Variants in LIG4 observed in about 807,000 individuals in gnomAD.
LIG4 encodes the protein DNA joinase.
In LIG4, 13 loss-of-function variants were observed where a neutral mutation model predicts 19.0. The observed-to-expected ratio is 0.68, with a 90% CI of 0.44 to 1.09. The LOEUF (loss-of-function observed/expected upper bound fraction) is 1.09. LIG4 is among the 50% of genes least tolerant of loss of function. The probability of loss-of-function intolerance (pLI) is 0.00; values close to 1 mark genes in which losing one functional copy is unlikely to be tolerated. For missense variants in LIG4, 1,026 were observed against 1,089.7 expected (o/e 0.94, Z 0.82); for synonymous variants, 361 against 358.2 (o/e 1.01, Z -0.09).
Position 108,208,519 on chromosome 13 carries a change from T to C in LIG4, c.*14A>G. The C allele has an allele frequency of 6.4e-7, 1 of 1,557,788 alleles. No individual in the cohort carries two copies. The highest frequency in any genetic ancestry group is 1.1e-5 in the South Asian group (1 of 89,366). On this transcript the variant is annotated 3_prime_UTR_variant, in exon 3 of 3. Transcript: ENST00000442234. ...CTGCCAGATCAGAGGCTTTCCTCAC[T>C]AGGAAACCTAGCTTTAAATCAAATA...
upstream of LIG4, chr13:108,215,635 G>C (rs1879243956): frequency 1.3e-5 from 2 of 151,250 alleles, no homozygotes; most frequent in African/African-American, 2.4e-5. Flanking sequence ...CTCGCGATGG[G>C]AGGTGGGGGG....
rs1273889516 is a variant in LIG4, at chr13:108,214,614, C to G, written c.-101-4G>C. ...AAAATGAGATCTTGATGGTTTCCTG[C>G]GGGGTTGCCATGAGAAAGAATCAAC... On this transcript the variant is annotated splice_polypyrimidine_tract_variant and splice_region_variant and intron_variant, in intron 1 of 2. Transcript: ENST00000442234. 1 of 152,078 alleles carries G rather than the reference C, an allele frequency of 6.6e-6. No individual in the cohort carries two copies. Among genetic ancestry groups the G allele is most frequent in the African/African-American group, 2.4e-5 (1 of 41,352 alleles). The allele number at this position is 152,078 out of a possible 1,614,324, so 9.4% of individuals were successfully genotyped here.
intron 1 of LIG4, among the ~76,000 whole-genome samples, chr13:108,214,972 C>T (rs1192343320): frequency 5.3e-5 from 5 of 94,242 alleles, no homozygotes; most frequent in Non-Finnish European, 8.9e-5. Context: ...CTACTTGACT[C>T]CCCACACATC....
rs1268354042 is a variant in LIG4 at position 108,210,423 on chromosome 13, G to A, written c.846C>T (p.His282=). 2 of 1,613,336 alleles carry A rather than the reference G, an allele frequency of 1.2e-6. No individual in the cohort carries two copies. Among genetic ancestry groups the A allele is most frequent in the East Asian group, 2.2e-5 (1 of 44,880 alleles). The change falls in exon 3 of 3, where the codon CAC becomes CAT. Residue 282 remains histidine, a synonymous_variant. Transcript: ENST00000442234. ...AGTATTTATATACATCTCCATCTTT[G>A]TGCATTTGCATACGTTCACCATCTA... ...TKLDGERMQM[H]KDGDVYKYFS... is the part of the protein sequence containing the mutation.
upstream of LIG4, chr13:108,218,346 C>T (rs1327466083): frequency 6.6e-6 from 1 of 152,402 alleles, no homozygotes; most frequent in Non-Finnish European, 1.5e-5. Flanking sequence ...CCGTCCGGGC[C>T]ACCGTCGCGG....
rs1878227240 is a variant in LIG4, at chr13:108,208,838, TGAGAG to T, written c.2426_2430del (p.Pro809GlnfsTer17). ...TAAACGGTGTGGCGTCGAAACATAC[TGAGAG>T]GAGAGCAATCCCAGGAATACCGATA... On this transcript the variant is annotated frameshift_variant, in exon 3 of 3. Coordinates refer to ENST00000442234, the MANE Select transcript of LIG4 (RefSeq NM_206937.2). LOFTEE classifies it low-confidence loss of function (END_TRUNC). The T allele has an allele frequency of 6.2e-7, 1 of 1,614,022 alleles. No individual in the cohort carries two copies.
At chr13:108,213,102 G>A (rs776561751) in intron 2 of LIG4, among the ~76,000 whole-genome samples, 2 of 152,098 alleles carry the variant, frequency 1.3e-5, no homozygotes, top group Admixed American at 6.5e-5. Flanking sequence ...GGGTTAGATC[G>A]AGGGATAAAC....
chr13:108,210,950 G>A lies in LIG4; in HGVS notation c.319C>T (p.Leu107Phe). 1 of 1,613,664 alleles carries A rather than the reference G, an allele frequency of 6.2e-7. No homozygotes were observed. The highest frequency in any genetic ancestry group is 8.5e-7 in the Non-Finnish European group (1 of 1,179,890). Reference protein sequence around the residue: ...LNLPRDGKDALKLLNYRTPTG... With the variant: ...LNLPRDGKDAFKLLNYRTPTG... ...GGTGTTCTGTAGTTTAAAAGTTTGA[G>A]GGCATCTTTTCCATCTCTAGGTAAA... The change falls in exon 3 of 3, where the codon CTC becomes TTC. Residue 107 changes from leucine (L) to phenylalanine (F), a missense_variant. Leu to Phe is a conservative substitution (Grantham distance 22). Around this residue, in one of 3 missense-constraint regions of LIG4, gnomAD observed 493 missense variants for 544.5 expected, o/e 0.91. Transcript: ENST00000442234.
chr13:108,209,755 CGAGA>C lies in LIG4; in HGVS notation c.1510_1513del (p.Ser504ValfsTer8), dbSNP rs759838407. 1.2e-6 allele frequency: 2 copies of C among 1,613,978 alleles called. No individual in the cohort carries two copies. Among genetic ancestry groups the C allele is most frequent in the African/African-American group, 1.3e-5 (1 of 74,894 alleles). On this transcript the variant is annotated frameshift_variant, in exon 3 of 3. Coordinates refer to ENST00000442234, the MANE Select transcript of LIG4 (RefSeq NM_206937.2). LOFTEE classifies it low-confidence loss of function (END_TRUNC). ...TTTCATGGTGCAGCCAGACCCAACA[CGAGA>C]GAGAGTATGAAACACAGATGGCTTC...
At chr13:108,215,143 C>A (rs1191250453) in intron 1 of LIG4, among the ~76,000 whole-genome samples, 1 of 70,998 alleles carries the variant, frequency 1.4e-5, no homozygotes, top group Non-Finnish European at 2.8e-5. Flanking sequence ...CAGACCCTAA[C>A]CTGACGCCCC....
In LIG4 at chr13:108,210,024, A is replaced by C. The variant is rs141316672; in HGVS notation, c.1245T>G (p.Ile415Met). The C allele has an allele frequency of 1.4e-5, 22 of 1,612,052 alleles. No homozygotes were observed. The highest frequency in any genetic ancestry group is 1.7e-5 in the Admixed American group (1 of 60,004). The change falls in exon 3 of 3, where the codon ATT becomes ATG. Residue 415 changes from isoleucine to methionine, a missense_variant. Around this residue, in one of 3 missense-constraint regions of LIG4, gnomAD observed 493 missense variants for 544.5 expected, o/e 0.91. Transcript: ENST00000442234. Reference sequence around the variant, plus strand: ...TATCTATTGCTTCATTCAATGCATCAATTACTTCATTCTTAGTATGAGCTT... The same window carrying C: ...TATCTATTGCTTCATTCAATGCATCCATTACTTCATTCTTAGTATGAGCTT... Reference protein sequence around the residue: ...KTQAHTKNEVIDALNEAIDKR... With the variant: ...KTQAHTKNEVMDALNEAIDKR...
chr13:108,209,631 T>C lies in LIG4; in HGVS notation c.1638A>G (p.Glu546=), dbSNP rs759894913. 1.2e-6 allele frequency: 2 copies of C among 1,614,228 alleles called. No homozygotes were observed. The highest frequency in any genetic ancestry group is 1.1e-5 in the South Asian group (1 of 91,088). The change falls in exon 3 of 3, where the codon GAA becomes GAG. Residue 546 remains glutamate, a synonymous_variant. Transcript: ENST00000442234. ...CAGAATTACAAGGTTCAATGTATAC[T>C]TCTGGCTTCTCTGTTCCACATAAAA... ...SSILCGTEKP[E]VYIEPCNSVI... is the part of the protein sequence containing the mutation.
rs1239876721 is a variant in LIG4, at chr13:108,215,278, C to CG, written c.-102+205_-102+206insC. Among the ~76,000 whole-genome samples, 25 of 70,704 alleles carry CG rather than the reference C, an allele frequency of 3.5e-4. 1 individual carries two copies. Among genetic ancestry groups the CG allele is most frequent in the African/African-American group, 1.5e-3 (24 of 16,316 alleles). 46.4% of individuals were successfully genotyped at this position (70,704 alleles called of 152,430 possible). ...GACCCCCAACGTGACGCCCTACAGA[C>CG]CCCAACCTGACGTCCCACAGATACC... On this transcript the variant is annotated intron_variant, in intron 1 of 2. Transcript: ENST00000442234.
chr13:108,210,762 C>CT lies in LIG4; in HGVS notation c.506dup (p.Ser170GlufsTer13), dbSNP rs1252901419. 2 of 1,613,970 alleles carry CT rather than the reference C, an allele frequency of 1.2e-6. No individual in the cohort carries two copies. The highest frequency in any genetic ancestry group is 1.3e-5 in the African/African-American group (1 of 75,032). ...TCTGAGTTATAAGTTGAAGAAGGCT[C>CT]TTTTTTATTAGGTCTTTTCTTTTAG... On this transcript the variant is annotated frameshift_variant, in exon 3 of 3. Transcript: ENST00000442234. LOFTEE classifies it high-confidence loss of function.
At chr13:108,217,386 G>C (rs1050273040), upstream of LIG4, among the ~76,000 whole-genome samples, 3 of 152,242 alleles carry the variant, frequency 2.0e-5, no homozygotes, top group African/African-American at 7.2e-5. Flanking sequence ...GGGCGTGGTG[G>C]CGCATGCCTG....
chr13:108,209,541 C>T lies in LIG4; in HGVS notation c.1728G>A (p.Leu576=). 6.2e-7 allele frequency: 1 copy of T among 1,614,146 alleles called. No individual in the cohort carries two copies. The highest frequency in any genetic ancestry group is 2.2e-5 in the East Asian group (1 of 44,874). The stretch of plus-strand genomic sequence containing the variant: ...TTATCTTTTCAATTCGTGGAAAACG[C>T]AAGGTGCAGCCAGTTTTATACATAT... ...PSDMYKTGCT[L]RFPRIEKIRD... is the part of the protein sequence containing the mutation. The change falls in exon 3 of 3, where the codon TTG becomes TTA. Residue 576 remains leucine (L), a synonymous_variant. Coordinates refer to ENST00000442234, the MANE Select transcript of LIG4 (RefSeq NM_206937.2).
chr13:108,215,502 C>T lies in LIG4; in HGVS notation c.-120G>A, dbSNP rs1323757803. The stretch of plus-strand genomic sequence containing the variant: ...TTCCCACCTGACGTCAAGCCTGAAG[C>T]TCAGCCGCTAAGCCGGAAGCTGGCG... On this transcript the variant is annotated 5_prime_UTR_variant, in exon 1 of 3. Transcript: ENST00000442234. 7.1e-6 allele frequency: 1 copy of T among 141,536 alleles called. No individual in the cohort carries two copies. Among genetic ancestry groups the T allele is most frequent in the African/African-American group, 2.6e-5 (1 of 37,868 alleles). 8.8% of individuals were successfully genotyped at this position (141,536 alleles called of 1,614,324 possible). A position where few individuals can be genotyped will look rare whatever the true frequency, so the allele number is the denominator to read the frequency against.
At chr13:108,217,758 G>A (rs1879384693), upstream of LIG4, among the ~76,000 whole-genome samples, 1 of 151,960 alleles carries the variant, frequency 6.6e-6, no homozygotes, top group Admixed American at 6.6e-5. Flanking sequence ...ATAAAATAGG[G>A]GACATAGAAT....
In LIG4 at chr13:108,209,604, G is replaced by A; in HGVS notation, c.1665C>T (p.Val555=). Residue 555 remains valine (V), a synonymous_variant, in exon 3 of 3, where the codon GTC becomes GTT. Transcript: ENST00000442234. ...TCTCTGCTGCTTTAATCTGAACAAT[G>A]ACAGAATTACAAGGTTCAATGTATA... ...PEVYIEPCNS[V]IVQIKAAEIV... is the part of the protein sequence containing the mutation. 1.2e-6 allele frequency: 2 copies of A among 1,614,088 alleles called. No homozygotes were observed. Among genetic ancestry groups the A allele is most frequent in the Non-Finnish European group, 1.7e-6 (2 of 1,180,004 alleles).
Sources: gnomAD v4.1 joint callset for allele counts (sites outside exome capture counted in the v4.1 genomes callset) on GRCh38, gnomAD v4.1.1 for gene constraint, gnomAD v4.1.1 regional missense constraint, MANE v1.5 for transcripts, NCBI Gene and HGNC (gene_info 2026-07-23, HGNC 2026-07-21) for gene names.